Variants in SWAP70 observed in about 807,000 individuals in gnomAD.
The protein encoded by SWAP70 is switching B cell complex subunit SWAP70.
A neutral mutation model predicts 80.2 loss-of-function variants in SWAP70; 34 were observed. The ratio of observed to expected loss-of-function variants is 0.42; its 90% confidence interval spans 0.32 to 0.56. The LOEUF (loss-of-function observed/expected upper bound fraction) is 0.56, where lower values mean the gene tolerates loss of function less well. Among genes scored for constraint, SWAP70 ranks in the 20% least tolerant of loss-of-function variants. The pLI is 0.09. For synonymous variants in SWAP70, 239 were observed against 238.5 expected, an observed-to-expected ratio of 1.00 and a Z score of -0.02; for missense variants, 578 against 690.7, an observed-to-expected ratio of 0.84 and a Z score of 1.83.
intron 3 of SWAP70, among the ~76,000 whole-genome samples, chr11:9,722,787 G>C (rs1479430688): frequency 1.3e-5 from 2 of 152,224 alleles, no homozygotes; most frequent in African/African-American, 2.4e-5. Flanking sequence ...ACTACAGCTT[G>C]CTGGCTAAAT....
Position 9,732,659 on chromosome 11 carries a change from A to T in SWAP70, c.1029A>T (p.Glu343Asp). The stretch of plus-strand genomic sequence containing the variant: ...AGGAACTGGAGCGACAAATGAAGGA[A>T]CTCCAGGCCGCCAACGAAAGCAAGC... The part of the protein sequence containing the change: ...EQEELERQMK[E>D]LQAANESKQQ... Residue 343 changes from glutamate (E) to aspartate (D), a missense_variant, in exon 7 of 12, where the codon GAA (glutamate) becomes GAT (aspartate). Coordinates refer to ENST00000318950, the MANE Select transcript of SWAP70 (RefSeq NM_015055.4). The T allele has an allele frequency of 6.4e-7, 1 of 1,567,942 alleles. No homozygotes were observed. Among genetic ancestry groups the T allele is most frequent in the Non-Finnish European group, 8.7e-7 (1 of 1,155,406 alleles).
intron 1 of SWAP70, among the ~76,000 whole-genome samples, chr11:9,687,371 G>A (rs1850645663): frequency 6.6e-6 from 1 of 152,172 alleles, no homozygotes; most frequent in Non-Finnish European, 1.5e-5. Context: ...AGTTCCACCT[G>A]AACTTGAAAG....
In SWAP70 at chr11:9,673,243, C is replaced by T. The variant is rs560706714; in HGVS notation, c.99+8965C>T. Among the ~76,000 whole-genome samples, 8 of 152,188 alleles carry T rather than the reference C, an allele frequency of 5.3e-5. No individual in the cohort carries two copies. The East Asian group carries it at 9.6e-4, about 18-fold the overall frequency. On this transcript the variant is annotated intron_variant, in intron 1 of 11. Coordinates refer to ENST00000318950, the MANE Select transcript of SWAP70 (RefSeq NM_015055.4). ...CTTCAAGTTGGGTTCTCCGTGACCC[C>T]GTCTTTGGGTTCAATTACTTTGCTA...
At chr11:9,728,260 C>A in intron 5 of SWAP70, 61 bp downstream of exon 5, 2 of 1,436,892 alleles carry the variant, frequency 1.4e-6, no homozygotes, top group South Asian at 2.9e-5. Flanking sequence ...GCTGAAGTAG[C>A]TTCTCACCTT....
intron 3 of SWAP70, among the ~76,000 whole-genome samples, chr11:9,718,197 C>A (rs1472113266): frequency 1.3e-5 from 2 of 152,224 alleles, no homozygotes; most frequent in Non-Finnish European, 2.9e-5. Context: ...AGCCAGGCAG[C>A]ATACCTTGTC....
chr11:9,699,692 A>G (rs1021885752), intron 2 of SWAP70, among the ~76,000 whole-genome samples: 3 of 151,898 alleles, frequency 2.0e-5, no homozygotes, highest in Admixed American at 1.3e-4. Context: ...CTATCTCTAT[A>G]AAAAAACTTA....
At chr11:9,709,395 T>C (rs1850965831) in intron 2 of SWAP70, among the ~76,000 whole-genome samples, 1 of 152,224 alleles carries the variant, frequency 6.6e-6, no homozygotes, top group Non-Finnish European at 1.5e-5. Context: ...TCCCAAAGCA[T>C]TGGAATTATA....
chr11:9,677,936 C>T lies in SWAP70; in HGVS notation c.99+13658C>T, dbSNP rs11820578. 3.6e-3 allele frequency among the ~76,000 whole-genome samples: 552 copies of T among 152,094 alleles called. 2 individuals carry two copies. Among genetic ancestry groups the T allele is most frequent in the African/African-American group, 0.012 (493 of 41,492 alleles). On this transcript the variant is annotated intron_variant, in intron 1 of 11. Coordinates refer to ENST00000318950, the MANE Select transcript of SWAP70 (RefSeq NM_015055.4). ...CCTCACAATTGGTTTGGATATCTTA[C>T]GAATCATACCATGTTTTCTGTTCCC...
At chr11:9,713,434 A>T (rs1443266832) in intron 2 of SWAP70, 32 bp from the exon 3 acceptor site, 2 of 1,594,494 alleles carry the variant, frequency 1.3e-6, no homozygotes, top group Non-Finnish European at 1.7e-6. Flanking sequence ...TATCGGACTG[A>T]TTTGTTGGAG....
chr11:9,704,864 C>T (rs1407069573), intron 2 of SWAP70, among the ~76,000 whole-genome samples: 1 of 152,178 alleles, frequency 6.6e-6, no homozygotes, highest in African/African-American at 2.4e-5. Flanking sequence ...TTTGCATATC[C>T]ACAGATACAC....
At chr11:9,717,372 G>T (rs760789033) in intron 3 of SWAP70, among the ~76,000 whole-genome samples, 12 of 152,172 alleles carry the variant, frequency 7.9e-5, no homozygotes, top group Non-Finnish European at 1.6e-4. Context: ...GCTGGCTCAA[G>T]CCTATAATCC....
At chr11:9,668,187 C>T (rs1459093682) in intron 1 of SWAP70, among the ~76,000 whole-genome samples, 1 of 152,234 alleles carries the variant, frequency 6.6e-6, no homozygotes, top group Non-Finnish European at 1.5e-5. Flanking sequence ...CCATGCCTGG[C>T]CTATTTTCAC....
At chr11:9,732,851 G>A (rs928531990) in intron 7 of SWAP70, 141 bp downstream of exon 7, 9 of 783,872 alleles carry the variant, frequency 1.1e-5, no homozygotes, top group African/African-American at 3.6e-5. Context: ...TCTCAGAAGT[G>A]TTTCCAGACC....
intron 1 of SWAP70, among the ~76,000 whole-genome samples, chr11:9,671,635 A>AATATTTCTATATAAAT (rs1487096466): frequency 2.4e-5 from 1 of 41,718 alleles, no homozygotes; most frequent in Non-Finnish European, 3.8e-5. Context: ...TAAATATATA[A>AATATTTCTATATAAAT]ATATTTCTAT....
At chr11:9,730,480 T>C (rs1380010203) in intron 6 of SWAP70, among the ~76,000 whole-genome samples, 1 of 152,180 alleles carries the variant, frequency 6.6e-6, no homozygotes, top group East Asian at 1.9e-4. Flanking sequence ...TTCCAAGGTA[T>C]ATGTGTGTAT....
intron 1 of SWAP70, among the ~76,000 whole-genome samples, chr11:9,685,035 TTG>T (rs1453799510): frequency 6.6e-6 from 1 of 152,150 alleles, no homozygotes; most frequent in Non-Finnish European, 1.5e-5. Context: ...TAAAAGACAT[TTG>T]TGCAATATTT....
At position 9,747,841 on chromosome 11, in the gene SWAP70, T is replaced by C. The variant is rs1210627345; in HGVS notation, c.1356-17T>C. 6.2e-7 allele frequency: 1 copy of C among 1,612,550 alleles called. No homozygotes were observed. On this transcript the variant is annotated splice_polypyrimidine_tract_variant and intron_variant, in intron 9 of 11. Coordinates refer to ENST00000318950, the MANE Select transcript of SWAP70 (RefSeq NM_015055.4). ...ACCTGGGCAGGATTTGATCTGGAGC[T>C]TTCCTCCACATTGTAGGTTGTTGGA...
At chr11:9,706,398 C>T (rs546670194) in intron 2 of SWAP70, among the ~76,000 whole-genome samples, 6 of 151,704 alleles carry the variant, frequency 4.0e-5, no homozygotes, top group Non-Finnish European at 8.8e-5. Flanking sequence ...TTTTTTTCCC[C>T]CCATTTTGTC....
rs1851584309 is a variant in SWAP70, at chr11:9,751,129, A to G, written c.*1159A>G. ...AGCAGATTAGATGCACATGGTCAAC[A>G]GGAAGTTGACTGTATGTCTGCTAGT... On this transcript the variant is annotated 3_prime_UTR_variant, in exon 12 of 12. Transcript: ENST00000318950. 1 of 152,274 alleles carries G rather than the reference A, an allele frequency of 6.6e-6. No homozygotes were observed. The highest frequency in any genetic ancestry group is 2.1e-4 in the South Asian group (1 of 4,836). The allele number at this position is 152,274 out of a possible 1,614,324, so 9.4% of individuals were successfully genotyped here. A position where few individuals can be genotyped will look rare whatever the true frequency, so the allele number is the denominator to read the frequency against.
Sources: allele counts gnomAD v4.1 joint callset (sites outside exome capture counted in the v4.1 genomes callset), GRCh38; gene constraint gnomAD v4.1.1; transcripts MANE v1.5; gene names NCBI Gene and HGNC (gene_info 2026-07-23, HGNC 2026-07-21).